RPN2: variants seen among roughly 807,000 people sequenced by gnomAD.
RPN2 encodes dolichyl-diphosphooligosaccharide--protein glycosyltransferase subunit 2.
In RPN2, 29 loss-of-function variants were observed where a neutral mutation model predicts 71.4. That is an observed-to-expected ratio of 0.41 (90% confidence interval 0.30 to 0.55). RPN2 has a LOEUF of 0.55. RPN2 is among the 20% of genes least tolerant of loss of function. The pLI is 0.35. For synonymous variants in RPN2, 308 were observed against 305.0 expected (o/e 1.01, Z -0.10); for missense variants, 726 against 774.1 (o/e 0.94, Z 0.74).
chr20:37,238,550 C>T, intron 16 of RPN2: 1 of 804,364 alleles, frequency 1.2e-6, no homozygotes, highest in African/African-American at 1.7e-5. Flanking sequence ...CCCACTTGCT[C>T]CTCCCACCCC....
chr20:37,222,086 T>G (rs574756348), intron 9 of RPN2, among the ~76,000 whole-genome samples: 2 of 152,334 alleles, frequency 1.3e-5, no homozygotes, highest in East Asian at 3.9e-4. Context: ...GGAAATGATG[T>G]CAGTACTTGT....
intron 7 of RPN2, among the ~76,000 whole-genome samples, chr20:37,208,282 A>T (rs912388267): frequency 6.6e-6 from 1 of 152,034 alleles, no homozygotes; most frequent in African/African-American, 2.4e-5. Context: ...AAAAAAAAAA[A>T]AAAATACAGG....
At chr20:37,234,685 GTT>G (rs113523661) in intron 15 of RPN2, among the ~76,000 whole-genome samples, 2 of 145,782 alleles carry the variant, frequency 1.4e-5, no homozygotes. Flanking sequence ...TTTGTTCGTT[GTT>G]TTTTTTTTTT....
At position 37,205,047 on chromosome 20, in the gene RPN2, A is replaced by G. The variant is rs6094102; in HGVS notation, c.690+146A>G. The stretch of plus-strand genomic sequence containing the variant: ...CCTGGGTTAGGGATTAAGAATGAGA[A>G]ATAGAAAGATGTAATGCCTGTCTTC... On this transcript the variant is annotated intron_variant, in intron 6 of 16. Coordinates refer to ENST00000237530, the MANE Select transcript of RPN2 (RefSeq NM_002951.5). The G allele has an allele frequency of 5.3e-3, 6,382 of 1,207,326 alleles. 235 individuals are homozygous for G. The African/African-American group carries it at 0.083, about 16-fold the overall frequency. The allele number at this position is 1,207,326 out of a possible 1,614,324, so 74.8% of individuals were successfully genotyped here.
In RPN2 at chr20:37,189,311, C is replaced by CTG. The variant is rs748314418; in HGVS notation, c.207+4948_207+4949dup. ...GTTCCATTTTTGCCAATGGGCCAAA[C>CTG]TGTGTGTGTGTATGTGTGTGTGTGT... is the stretch of plus-strand genomic sequence containing the variant. On this transcript the variant is annotated intron_variant, in intron 2 of 16. Transcript: ENST00000237530. 2.9e-3 allele frequency among the ~76,000 whole-genome samples: 340 copies of CTG among 115,292 alleles called. 2 individuals are homozygous for CTG. The highest frequency in any genetic ancestry group is 9.4e-3 in the African/African-American group (274 of 29,280). 75.6% of individuals were successfully genotyped at this position (115,292 alleles called of 152,430 possible).
intron 15 of RPN2, among the ~76,000 whole-genome samples, chr20:37,235,409 A>T (rs1489106418): frequency 1.3e-5 from 2 of 152,132 alleles, no homozygotes; most frequent in African/African-American, 4.8e-5. Flanking sequence ...GGCAGGAATT[A>T]TGATCCCTTT....
intron 11 of RPN2, among the ~76,000 whole-genome samples, chr20:37,226,769 C>A (rs2068086757): frequency 6.6e-6 from 1 of 152,082 alleles, no homozygotes; most frequent in African/African-American, 2.4e-5. Flanking sequence ...TAATATGGCC[C>A]CATGTCCACT....
chr20:37,235,594 T>TC (rs1229600443), intron 15 of RPN2, among the ~76,000 whole-genome samples: 1 of 152,132 alleles, frequency 6.6e-6, no homozygotes, highest in Admixed American at 6.5e-5. Context: ...ACAGTTTGTT[T>TC]CCCCCCATAA....
chr20:37,206,146 A>G (rs144889553), intron 6 of RPN2, among the ~76,000 whole-genome samples: 2 of 152,308 alleles, frequency 1.3e-5, no homozygotes, highest in East Asian at 3.9e-4. Context: ...GAAGGGGAAA[A>G]TGTTTCCTCC....
intron 14 of RPN2, among the ~76,000 whole-genome samples, chr20:37,233,719 A>G (rs945483054): frequency 3.9e-5 from 6 of 152,320 alleles, no homozygotes; most frequent in Non-Finnish European, 7.4e-5. Context: ...CTGACCTTTC[A>G]GCTTCATGGT....
At chr20:37,241,218 T>C (rs2068540819) in intron 16 of RPN2, 85 bp from the exon 17 acceptor site, 2 of 1,494,902 alleles carry the variant, frequency 1.3e-6, no homozygotes, top group South Asian at 1.1e-5. Context: ...GAGAGTACCT[T>C]AGTCTCTCTG....
At chr20:37,233,817 G>C (rs2068311918) in intron 14 of RPN2, among the ~76,000 whole-genome samples, 1 of 152,220 alleles carries the variant, frequency 6.6e-6, no homozygotes, top group Non-Finnish European at 1.5e-5. Context: ...AGCAGGTGCT[G>C]AATGCCTTTC....
intron 16 of RPN2, among the ~76,000 whole-genome samples, chr20:37,237,753 T>G (rs2068437867): frequency 6.6e-6 from 1 of 152,122 alleles, no homozygotes; most frequent in African/African-American, 2.4e-5. Context: ...TTCCTGGTGG[T>G]TCTGCATTGT....
intron 8 of RPN2, among the ~76,000 whole-genome samples, chr20:37,210,634 G>T (rs149656978): frequency 3.3e-4 from 49 of 150,390 alleles, no homozygotes; most frequent in African/African-American, 1.1e-3. Context: ...GGATTCTAGC[G>T]ATTCTCCTGC....
Position 37,203,758 on chromosome 20 carries a change from G to A in RPN2, c.480-127G>A, listed in dbSNP as rs2146583733. ...CTGGATTATAAGTAAACTCCTTAAAGGCTGAGACCAACTTGTACTTCTAAA... is the reference window on the plus strand; with the variant it reads ...CTGGATTATAAGTAAACTCCTTAAAAGCTGAGACCAACTTGTACTTCTAAA... On this transcript the variant is annotated intron_variant, in intron 4 of 16. Coordinates refer to ENST00000237530, the MANE Select transcript of RPN2 (RefSeq NM_002951.5). The A allele has an allele frequency of 4.0e-6, 3 of 742,474 alleles. No individual in the cohort carries two copies. The East Asian group carries it at 8.0e-5, about 20-fold the overall frequency. The allele number at this position is 742,474 out of a possible 1,614,324, so 46.0% of individuals were successfully genotyped here.
At chr20:37,226,963 G>A (rs1044216963) in intron 11 of RPN2, among the ~76,000 whole-genome samples, 1 of 152,228 alleles carries the variant, frequency 6.6e-6, no homozygotes, top group African/African-American at 2.4e-5. Context: ...TTGTTGCCTT[G>A]AGGCAGCTTC....
chr20:37,226,621 T>C (rs879818), intron 11 of RPN2, among the ~76,000 whole-genome samples: 110,598 of 152,160 alleles, frequency 0.73, 40,673 homozygotes, highest in Middle Eastern at 0.85. Context: ...ATTTTGTATT[T>C]GTGGGACTCT....
Position 37,207,176 on chromosome 20 carries a change from C to T in RPN2, c.691-97C>T, listed in dbSNP as rs2067530463. On this transcript the variant is annotated intron_variant, in intron 6 of 16. Transcript: ENST00000237530. ...TTGACCAAAAGACCTCCCATGTGAA[C>T]ACCCGAAACAGATAAGGGTGACTTT... is the stretch of plus-strand genomic sequence containing the variant. The T allele has an allele frequency of 1.4e-5, 13 of 955,370 alleles. No individual in the cohort carries two copies. In the South Asian group the frequency reaches 1.4e-4, roughly 11 times the overall value. The allele number at this position is 955,370 out of a possible 1,614,324, so 59.2% of individuals were successfully genotyped here.
chr20:37,238,756 G>A (rs1178663742), intron 16 of RPN2: 2 of 623,742 alleles, frequency 3.2e-6, no homozygotes, highest in Non-Finnish European at 6.1e-6. Context: ...TTATAGACAA[G>A]CCTCTCTCTC....
Sources: allele counts gnomAD v4.1 joint callset (sites outside exome capture counted in the v4.1 genomes callset), GRCh38; gene constraint gnomAD v4.1.1; transcripts MANE v1.5; gene names NCBI Gene and HGNC (gene_info 2026-07-23, HGNC 2026-07-21).